SETD3: variants seen among roughly 807,000 people sequenced by gnomAD.
SETD3 encodes SET domain containing 3, actin N3(tau)-histidine methyltransferase.
Under a neutral mutation model 63.0 loss-of-function variants are expected in SETD3, and 19 were observed. The observed-to-expected ratio is 0.30, with a 90% CI of 0.21 to 0.44. The LOEUF (loss-of-function observed/expected upper bound fraction) is 0.44, where lower values mean the gene tolerates loss of function less well. Ranked by LOEUF, SETD3 falls within the 20% of genes least tolerant of loss-of-function variation. The pLI, the probability that SETD3 is intolerant of heterozygous loss-of-function variation, is 1.00. For missense variants in SETD3, 587 were observed against 728.5 expected, an observed-to-expected ratio of 0.81 and a Z score of 2.24; for synonymous variants, 286 against 264.1, an observed-to-expected ratio of 1.08 and a Z score of -0.80.
chr14:99,459,180 T>C lies in SETD3; in HGVS notation c.351A>G (p.Glu117=). ...GLRATRDIKA[E]ELFLWVPRKL... is the part of the protein sequence containing the mutation. ...TTCGTGGAACCCATAAAAACAATTC[T>C]TCTGCCTAGGGAAAAAAATAATAAT... Residue 117 remains glutamate, a synonymous_variant, in exon 5 of 13, where the codon GAA becomes GAG. Transcript: ENST00000331768. 6.2e-7 allele frequency: 1 copy of C among 1,608,866 alleles called. No individual in the cohort carries two copies. Among genetic ancestry groups the C allele is most frequent in the Non-Finnish European group, 8.5e-7 (1 of 1,177,140 alleles).
At chr14:99,454,099 T>C (rs897895461) in intron 6 of SETD3, among the ~76,000 whole-genome samples, 4 of 152,236 alleles carry the variant, frequency 2.6e-5, no homozygotes, top group Admixed American at 1.3e-4. Flanking sequence ...TTAACATGGT[T>C]TTAAAAATAG....
intron 6 of SETD3, among the ~76,000 whole-genome samples, chr14:99,427,486 T>C (rs964465643): frequency 9.9e-5 from 15 of 152,180 alleles, no homozygotes; most frequent in African/African-American, 3.6e-4. Flanking sequence ...GTGTTAAACT[T>C]TCAAGAAAGA....
At chr14:99,425,125 A>C (rs1331029415) in intron 6 of SETD3, among the ~76,000 whole-genome samples, 1 of 152,172 alleles carries the variant, frequency 6.6e-6, no homozygotes, top group Non-Finnish European at 1.5e-5. Context: ...ATTAAACTGC[A>C]CCAGACCAAA....
At chr14:99,453,147 T>G (rs1376354820) in intron 6 of SETD3, among the ~76,000 whole-genome samples, 1 of 152,188 alleles carries the variant, frequency 6.6e-6, no homozygotes, top group Non-Finnish European at 1.5e-5. Flanking sequence ...AATGCACTGA[T>G]GAGGTGACCT....
chr14:99,422,622 T>G (rs1359644875), intron 6 of SETD3, among the ~76,000 whole-genome samples: 2 of 150,682 alleles, frequency 1.3e-5, no homozygotes, highest in Non-Finnish European at 2.9e-5. Context: ...TCCCACTGAT[T>G]TAGGAGGACT....
At chr14:99,419,996 A>C (rs1172222919) in intron 6 of SETD3, among the ~76,000 whole-genome samples, 1 of 152,212 alleles carries the variant, frequency 6.6e-6, no homozygotes, top group Non-Finnish European at 1.5e-5. Context: ...TCCGAAGTGG[A>C]AGGCACTGTA....
intron 1 of SETD3, among the ~76,000 whole-genome samples, chr14:99,477,489 TCA>T (rs1314342718): frequency 6.6e-6 from 1 of 152,128 alleles, no homozygotes; most frequent in African/African-American, 2.4e-5. Context: ...GTGCGGTGGC[TCA>T]CGCCTGTAAT....
chr14:99,417,134 C>T (rs1408763712), intron 6 of SETD3, among the ~76,000 whole-genome samples: 1 of 152,140 alleles, frequency 6.6e-6, no homozygotes, highest in African/African-American at 2.4e-5. Context: ...CATATTTGAT[C>T]CTTATTAAAG....
chr14:99,466,476 A>G lies in SETD3; in HGVS notation c.-8-663T>C, dbSNP rs1895379584. 3.3e-5 allele frequency among the ~76,000 whole-genome samples: 5 copies of G among 152,176 alleles called. No homozygotes were observed. In the South Asian group the frequency reaches 1.0e-3, roughly 31 times the overall value. ...CGGGCATGTGAGAAATGATGAGCAT[A>G]TTTTCACACGCAGATGAGACCATGT... On this transcript the variant is annotated intron_variant, in intron 1 of 12. Transcript: ENST00000331768.
chr14:99,409,218 C>T (rs1205162619), intron 8 of SETD3, among the ~76,000 whole-genome samples: 2 of 152,210 alleles, frequency 1.3e-5, no homozygotes, highest in East Asian at 3.8e-4. Flanking sequence ...TATGCCAGGC[C>T]CTAAGCGAGG....
At chr14:99,444,645 G>A (rs948233515) in intron 6 of SETD3, among the ~76,000 whole-genome samples, 1 of 152,148 alleles carries the variant, frequency 6.6e-6, no homozygotes, top group Non-Finnish European at 1.5e-5. Context: ...GATCGCTTGA[G>A]CTCATGAATT....
chr14:99,480,923 C>G (rs1313979367), upstream of SETD3: 4 of 152,362 alleles, frequency 2.6e-5, no homozygotes, highest in East Asian at 7.8e-4. Context: ...CCCCGGGCCG[C>G]AGCCGCCGCC....
At chr14:99,465,846 T>A (rs578188572) in intron 1 of SETD3, 33 bp from the exon 2 acceptor site, 2 of 1,454,698 alleles carry the variant, frequency 1.4e-6, no homozygotes, top group Non-Finnish European at 1.9e-6. Context: ...AGAAAAAAAT[T>A]ACATTACCAA....
intron 10 of SETD3, among the ~76,000 whole-genome samples, chr14:99,404,928 C>T (rs1891598372): frequency 6.6e-6 from 1 of 152,192 alleles, no homozygotes; most frequent in African/African-American, 2.4e-5. Context: ...AGGTGAAAGA[C>T]ATGAATGATA....
chr14:99,468,385 G>A (rs373747354), intron 1 of SETD3, among the ~76,000 whole-genome samples: 41 of 152,082 alleles, frequency 2.7e-4, no homozygotes, highest in African/African-American at 9.4e-4. Flanking sequence ...CTACCCTCAC[G>A]CTGCCACCAC....
intron 6 of SETD3, among the ~76,000 whole-genome samples, chr14:99,430,392 A>G (rs1164522027): frequency 6.6e-6 from 1 of 152,220 alleles, no homozygotes; most frequent in African/African-American, 2.4e-5. Context: ...ATGCTAGTTT[A>G]TATTTTCTAG....
rs553868224 is a variant in SETD3, at chr14:99,425,027, A to G, written c.676-11093T>C. Among the ~76,000 whole-genome samples the G allele has an allele frequency of 2.7e-4, 41 of 152,188 alleles. No individual in the cohort carries two copies. In the South Asian group the frequency reaches 5.0e-3, roughly 19 times the overall value. On this transcript the variant is annotated intron_variant, in intron 6 of 12. Transcript: ENST00000331768. ...GACACGGGGCTTCGGAGGGTGCCCT[A>G]TAGAACAGGAGGGATGAGGCAGTCC...
intron 1 of SETD3, among the ~76,000 whole-genome samples, chr14:99,472,249 G>A (rs1329606998): frequency 1.3e-5 from 2 of 152,170 alleles, no homozygotes; most frequent in African/African-American, 2.4e-5. Context: ...AAACATAGAA[G>A]GGCAAGAAAT....
rs1393665437 is a variant in SETD3 at position 99,397,990 on chromosome 14, G to C, written c.*689C>G. The C allele has an allele frequency of 6.6e-6, 1 of 152,394 alleles. No homozygotes were observed. The highest frequency in any genetic ancestry group is 2.4e-5 in the African/African-American group (1 of 41,374). 9.4% of individuals were successfully genotyped at this position (152,394 alleles called of 1,614,324 possible). ...TGATGCATGTCCTACTTTGATTCAAGGAGAAAGGACAAGTTCTTAGTACAG... is the reference window on the plus strand; with the variant it reads ...TGATGCATGTCCTACTTTGATTCAACGAGAAAGGACAAGTTCTTAGTACAG... On this transcript the variant is annotated 3_prime_UTR_variant, in exon 13 of 13. Coordinates refer to ENST00000331768, the MANE Select transcript of SETD3 (RefSeq NM_032233.3).
Sources: gnomAD v4.1 joint callset for allele counts (sites outside exome capture counted in the v4.1 genomes callset) on GRCh38, gnomAD v4.1.1 for gene constraint, MANE v1.5 for transcripts, NCBI Gene and HGNC (gene_info 2026-07-23, HGNC 2026-07-21) for gene names.